Variants in CARF observed in about 807,000 individuals in gnomAD.
CARF encodes calcium responsive transcription factor.
A neutral mutation model predicts 82.0 loss-of-function variants in CARF; 57 were observed. The observed-to-expected ratio is 0.70, with a 90% confidence interval of 0.56 to 0.87. CARF has a LOEUF of 0.87. Ranked by LOEUF, CARF falls within the 40% of genes least tolerant of loss-of-function variation. CARF has a pLI of 0.00. For missense variants in CARF, 771 were observed against 855.8 expected, an observed-to-expected ratio of 0.90 and a Z score of 1.24; for synonymous variants, 268 against 290.1, an observed-to-expected ratio of 0.92 and a Z score of 0.77.
At chr2:202,940,913 G>A (rs1222448863) in intron 3 of CARF, among the ~76,000 whole-genome samples, 4 of 151,818 alleles carry the variant, frequency 2.6e-5, no homozygotes, top group East Asian at 1.9e-4. Flanking sequence ...TTTTATTTTC[G>A]GTCAACTTTC....
intron 10 of CARF, among the ~76,000 whole-genome samples, chr2:202,967,951 T>C (rs543371076): frequency 1.3e-5 from 2 of 152,202 alleles, no homozygotes; most frequent in Non-Finnish European, 2.9e-5. Flanking sequence ...CCTTTATGAA[T>C]GTAAATTTTT....
chr2:202,980,515 G>A (rs2060203614), intron 14 of CARF, among the ~76,000 whole-genome samples: 1 of 149,342 alleles, frequency 6.7e-6, no homozygotes, highest in Non-Finnish European at 1.5e-5. Flanking sequence ...TGTTAATTGA[G>A]AAGCTCCTTA....
Position 202,966,990 on chromosome 2 carries a change from T to C in CARF, c.845T>C (p.Val282Ala). ...TTTTGGCCCACAGGGAGTAGAGCTG[T>C]GGTAATGGAGTGTCAGTATGGGCCA... ...IPFVNAGSRA[V>A]VMECQYGPRR... Residue 282 changes from valine (V) to alanine (A), a missense_variant, in exon 10 of 17, where the codon GTG (valine) becomes GCG (alanine). Transcript: ENST00000438828. 1 of 1,613,862 alleles carries C rather than the reference T, an allele frequency of 6.2e-7. No homozygotes were observed.
At chr2:202,957,319 A>G (rs1326822062) in intron 8 of CARF, among the ~76,000 whole-genome samples, 1 of 152,102 alleles carries the variant, frequency 6.6e-6, no homozygotes, top group Non-Finnish European at 1.5e-5. Context: ...TTTTTTCCAC[A>G]TTATTTAGCC....
intron 12 of CARF, among the ~76,000 whole-genome samples, chr2:202,972,925 T>G (rs2059861430): frequency 6.6e-6 from 1 of 152,120 alleles, no homozygotes; most frequent in Admixed American, 6.5e-5. Flanking sequence ...TCAACGTCTT[T>G]TCTTTTGTTG....
rs2060498657 is a variant in CARF, at chr2:202,988,247, T to C, written c.*4623T>C. Among the ~76,000 whole-genome samples, 2 of 152,204 alleles carry C rather than the reference T, an allele frequency of 1.3e-5. No homozygotes were observed. The highest frequency in any genetic ancestry group is 4.8e-5 in the African/African-American group (2 of 41,448). ...TAGGCTATTATGAATAAAGTTTCCA[T>C]GAACATCTATGTACAAGTCTTTGTA... On this transcript the variant is annotated 3_prime_UTR_variant, in exon 17 of 17. Transcript: ENST00000438828.
intron 13 of CARF, among the ~76,000 whole-genome samples, chr2:202,975,069 G>A (rs2059969622): frequency 6.6e-6 from 1 of 152,126 alleles, no homozygotes; most frequent in South Asian, 2.1e-4. Flanking sequence ...CCAGCACTGT[G>A]GGAGGCCGAG....
At chr2:202,924,817 G>A (rs1434691347) in intron 3 of CARF, 4 of 187,512 alleles carry the variant, frequency 2.1e-5, no homozygotes, top group Non-Finnish European at 4.4e-5. Context: ...AGGTCTGGTG[G>A]TATGGAGGAG....
intron 2 of CARF, among the ~76,000 whole-genome samples, chr2:202,919,605 TA>T (rs1240625301): frequency 6.6e-6 from 1 of 152,226 alleles, no homozygotes; most frequent in Non-Finnish European, 1.5e-5. Context: ...TGCTTCTAAT[TA>T]AATTTCAACT....
At chr2:202,957,920 C>A (rs1393656696) in intron 8 of CARF, among the ~76,000 whole-genome samples, 1 of 151,268 alleles carries the variant, frequency 6.6e-6, no homozygotes, top group East Asian at 1.9e-4. Flanking sequence ...CATTCCAGTC[C>A]GTGACAGAGC....
chr2:202,927,628 G>A (rs947645427), intron 3 of CARF, among the ~76,000 whole-genome samples: 13 of 152,016 alleles, frequency 8.6e-5, no homozygotes, highest in Admixed American at 5.2e-4. Flanking sequence ...AACGTGTAAT[G>A]ATCAAATCAG....
At chr2:202,948,829 GC>G (rs1305644218) in intron 5 of CARF, among the ~76,000 whole-genome samples, 2 of 152,054 alleles carry the variant, frequency 1.3e-5, no homozygotes, top group Admixed American at 6.6e-5. Flanking sequence ...CTATCTGGAT[GC>G]CCTTTATTTC....
At chr2:202,976,291 C>T (rs1203894442) in intron 13 of CARF, among the ~76,000 whole-genome samples, 1 of 151,972 alleles carries the variant, frequency 6.6e-6, no homozygotes, top group African/African-American at 2.4e-5. Flanking sequence ...TCTCCTGCCT[C>T]AGCCTCCCAA....
intron 11 of CARF, among the ~76,000 whole-genome samples, chr2:202,970,874 T>C (rs927083642): frequency 9.9e-5 from 15 of 151,746 alleles, no homozygotes; most frequent in African/African-American, 3.1e-4. Context: ...TTTTTTTTTT[T>C]CATGGCTCTC....
chr2:202,976,469 C>T (rs1005774570), intron 13 of CARF, among the ~76,000 whole-genome samples: 18 of 152,128 alleles, frequency 1.2e-4, no homozygotes, highest in African/African-American at 3.9e-4. Context: ...CCACCACACC[C>T]GACCTTAACT....
chr2:202,943,942 G>A (rs900157219), intron 5 of CARF, among the ~76,000 whole-genome samples: 10 of 151,944 alleles, frequency 6.6e-5, no homozygotes, highest in East Asian at 3.9e-4. Flanking sequence ...CACCACGCCC[G>A]GCCTAAACTC....
intron 8 of CARF, among the ~76,000 whole-genome samples, chr2:202,959,065 C>G (rs142494943): frequency 7.4e-4 from 112 of 151,948 alleles, no homozygotes; most frequent in Non-Finnish European, 1.4e-3. Context: ...ATTAACTGGA[C>G]AAATGTCAAT....
rs2060448639 is a variant in CARF, at chr2:202,986,881, T to TAC, written c.*3258_*3259insCA. The stretch of plus-strand genomic sequence containing the variant: ...AAATGTCTGTGCGTATATATATATA[T>TAC]ATATATATATATATATATATATATA... On this transcript the variant is annotated 3_prime_UTR_variant, in exon 17 of 17. Coordinates refer to ENST00000438828, the MANE Select transcript of CARF (RefSeq NM_024744.17). 8.4e-6 allele frequency: 1 copy of TAC among 118,604 alleles called. No homozygotes were observed. Among genetic ancestry groups the TAC allele is most frequent in the Non-Finnish European group, 1.8e-5 (1 of 54,182 alleles). The allele number at this position is 118,604 out of a possible 1,614,324, so 7.3% of individuals were successfully genotyped here.
At chr2:202,981,984 G>T in intron 15 of CARF, 88 bp from the exon 16 acceptor site, 1 of 1,380,924 alleles carries the variant, frequency 7.2e-7, no homozygotes, top group Non-Finnish European at 9.9e-7. Context: ...TATTTGTTCG[G>T]ATTTTTTGTC....
Sources: allele counts gnomAD v4.1 joint callset (sites outside exome capture counted in the v4.1 genomes callset), GRCh38; gene constraint gnomAD v4.1.1; transcripts MANE v1.5; gene names NCBI Gene and HGNC (gene_info 2026-07-23, HGNC 2026-07-21).